Variants in PLCB1 observed in about 807,000 individuals in gnomAD.
The protein encoded by PLCB1 is 1-phosphatidylinositol 4,5-bisphosphate phosphodiesterase beta-1.
Under a neutral mutation model 161.8 loss-of-function variants are expected in PLCB1, and 46 were observed. The ratio of observed to expected loss-of-function variants is 0.28; its 90% CI spans 0.22 to 0.36. The LOEUF (loss-of-function observed/expected upper bound fraction) is 0.36. Among genes scored for constraint, PLCB1 ranks in the 10% least tolerant of loss-of-function variants. The pLI is 1.00. For synonymous variants in PLCB1, 517 were observed against 503.7 expected (o/e 1.03, Z -0.35); for missense variants, 1,016 against 1,472.5 (o/e 0.69, Z 5.07).
At chr20:8,645,721 T>A (rs1989151463) in intron 4 of PLCB1, among the ~76,000 whole-genome samples, 2 of 152,238 alleles carry the variant, frequency 1.3e-5, no homozygotes, top group Non-Finnish European at 2.9e-5. Context: ...GCAGGAAGAT[T>A]ATGTTTGCAT....
chr20:8,818,162 A>G (rs1985165540), intron 31 of PLCB1, among the ~76,000 whole-genome samples: 1 of 152,214 alleles, frequency 6.6e-6, no homozygotes, highest in African/African-American at 2.4e-5. Context: ...ATTAATTCAT[A>G]GATTCACAAA....
chr20:8,544,961 A>G (rs1321632199), intron 3 of PLCB1, among the ~76,000 whole-genome samples: 1 of 152,214 alleles, frequency 6.6e-6, no homozygotes, highest in Non-Finnish European at 1.5e-5. Context: ...TTTTTTGAGC[A>G]TCTGCTACTG....
At chr20:8,457,960 A>G (rs1397846504) in intron 3 of PLCB1, among the ~76,000 whole-genome samples, 1 of 152,248 alleles carries the variant, frequency 6.6e-6, no homozygotes, top group Non-Finnish European at 1.5e-5. Flanking sequence ...AGAGTTTGCA[A>G]GAGAATCAAC....
chr20:8,238,223 A>C (rs544778342), intron 2 of PLCB1, among the ~76,000 whole-genome samples: 1 of 151,970 alleles, frequency 6.6e-6, no homozygotes, highest in Non-Finnish European at 1.5e-5. Flanking sequence ...AGGTAAGATA[A>C]TTTGAGGAGC....
chr20:8,634,233 GTTAAA>G (rs1988690469), intron 4 of PLCB1, among the ~76,000 whole-genome samples: 1 of 152,100 alleles, frequency 6.6e-6, no homozygotes, highest in Non-Finnish European at 1.5e-5. Context: ...ATCTCTGTAG[GTTAAA>G]TTATTACATT....
intron 31 of PLCB1, among the ~76,000 whole-genome samples, chr20:8,825,435 A>G (rs1033091876): frequency 6.6e-6 from 1 of 152,334 alleles, no homozygotes; most frequent in African/African-American, 2.4e-5. Flanking sequence ...TGGTAGAGTG[A>G]GAAAGAGTGT....
chr20:8,620,747 CAAAAAAAAAAAA>C (rs779029928), intron 3 of PLCB1, among the ~76,000 whole-genome samples: 3 of 75,250 alleles, frequency 4.0e-5, no homozygotes, highest in East Asian at 3.1e-4. Flanking sequence ...CTGCCCCCAC[CAAAAAAAAAAAA>C]AAAAAAAAAA....
chr20:8,403,394 A>C (rs547075566), intron 3 of PLCB1, among the ~76,000 whole-genome samples: 250 of 152,220 alleles, frequency 1.6e-3, no homozygotes, highest in Non-Finnish European at 2.9e-3. Flanking sequence ...AAACCAACCA[A>C]ACAAAAAACA....
At chr20:8,294,045 G>A (rs964574899) in intron 2 of PLCB1, among the ~76,000 whole-genome samples, 13 of 152,172 alleles carry the variant, frequency 8.5e-5, no homozygotes, top group Non-Finnish European at 1.5e-4. Context: ...TGCTGGAAAT[G>A]AGAGGAATGT....
chr20:8,465,974 G>A (rs1451256470), intron 3 of PLCB1, among the ~76,000 whole-genome samples: 4 of 148,642 alleles, frequency 2.7e-5, no homozygotes, highest in African/African-American at 7.5e-5. Flanking sequence ...CCATTACTGG[G>A]TATATACCCA....
At chr20:8,393,921 A>T (rs892697217) in intron 3 of PLCB1, among the ~76,000 whole-genome samples, 3 of 152,164 alleles carry the variant, frequency 2.0e-5, no homozygotes, top group African/African-American at 7.2e-5. Context: ...AGGTGATCTA[A>T]ACCAGAAAGG....
At chr20:8,637,173 G>A (rs1188307505) in intron 4 of PLCB1, among the ~76,000 whole-genome samples, 1 of 152,158 alleles carries the variant, frequency 6.6e-6, no homozygotes, top group African/African-American at 2.4e-5. Flanking sequence ...AGAAAGGCAG[G>A]TTGATCTGTT....
At chr20:8,233,516 T>A (rs1463414795) in intron 2 of PLCB1, among the ~76,000 whole-genome samples, 1 of 152,174 alleles carries the variant, frequency 6.6e-6, no homozygotes, top group Non-Finnish European at 1.5e-5. Flanking sequence ...ATAACTTGGT[T>A]AAGTTGATTA....
At chr20:8,688,013 T>C (rs1374878283) in intron 10 of PLCB1, among the ~76,000 whole-genome samples, 3 of 152,222 alleles carry the variant, frequency 2.0e-5, no homozygotes, top group Non-Finnish European at 2.9e-5. Flanking sequence ...TTTTGATTCT[T>C]GGATTATGGC....
At chr20:8,253,382 ATCTCTGGACTC>A (rs1248159037) in intron 2 of PLCB1, among the ~76,000 whole-genome samples, 1 of 151,924 alleles carries the variant, frequency 6.6e-6, no homozygotes, top group Non-Finnish European at 1.5e-5. Context: ...ATGTCAGTCT[ATCTCTGGACTC>A]TCTTCTGATC....
Position 8,292,339 on chromosome 20 carries a change from A to G in PLCB1, c.178-79043A>G, listed in dbSNP as rs896184622. Among the ~76,000 whole-genome samples the G allele has an allele frequency of 3.9e-5, 6 of 152,270 alleles. 1 individual carries two copies. The highest frequency in any genetic ancestry group is 1.9e-4 in the East Asian group (1 of 5,176). On this transcript the variant is annotated intron_variant, in intron 2 of 31. Transcript: ENST00000338037. ...AATAGGCTTATTTGTTACCTTAAAC[A>G]TATTTGTTCAAGCACAGTTGTGCTT...
At chr20:8,256,045 T>G (rs1568607231) in intron 2 of PLCB1, among the ~76,000 whole-genome samples, 1 of 152,132 alleles carries the variant, frequency 6.6e-6, no homozygotes, top group East Asian at 1.9e-4. Context: ...ATAGCCTGGG[T>G]GTGTAGTAGG....
chr20:8,786,595 C>T (rs764695146), intron 27 of PLCB1, among the ~76,000 whole-genome samples: 19 of 152,114 alleles, frequency 1.2e-4, no homozygotes, highest in Admixed American at 3.3e-4. Context: ...GGACTTGAGC[C>T]AGATGTGTCA....
At chr20:8,647,979 A>G (rs764676732) in intron 6 of PLCB1, 26 bp downstream of exon 6, 2 of 1,484,308 alleles carry the variant, frequency 1.3e-6, no homozygotes, top group Non-Finnish European at 1.8e-6. Flanking sequence ...ATTTCTCATT[A>G]TTCATTTTAT....
Sources: gnomAD v4.1 joint callset for allele counts (sites outside exome capture counted in the v4.1 genomes callset) on GRCh38, gnomAD v4.1.1 for gene constraint, MANE v1.5 for transcripts, NCBI Gene and HGNC (gene_info 2026-07-23, HGNC 2026-07-21) for gene names.